The following MKLN1 variants were observed in gnomAD, a reference collection of about 807,000 sequenced individuals.
MKLN1 encodes the protein muskelin 1.
In MKLN1, 18 loss-of-function variants were observed where a neutral mutation model predicts 99.0. The ratio of observed to expected loss-of-function variants is 0.18; its 90% CI spans 0.13 to 0.27. The LOEUF is 0.27. Ranked by LOEUF, MKLN1 falls within the 10% of genes least tolerant of loss-of-function variation. The pLI is 1.00. For synonymous variants in MKLN1, 288 were observed against 293.2 expected (o/e 0.98, Z 0.18); for missense variants, 621 against 875.9 (o/e 0.71, Z 3.67).
At chr7:131,286,077 A>G (rs1283921483) in intron 3 of MKLN1, among the ~76,000 whole-genome samples, 1 of 151,884 alleles carries the variant, frequency 6.6e-6, no homozygotes, top group Admixed American at 6.6e-5. Flanking sequence ...CCACCTCCCA[A>G]GGAGCTGGGA....
Position 131,216,547 on chromosome 7 carries a change from G to A in MKLN1, c.-179+13573G>A, listed in dbSNP as rs564952083. ...CTTAGAGCTGAGCGAGTGCCTCAAAGGTTCAGCAATGCTACCTTGACCAGA... is the reference window on the plus strand; with the variant it reads ...CTTAGAGCTGAGCGAGTGCCTCAAAAGTTCAGCAATGCTACCTTGACCAGA... On this transcript the variant is annotated intron_variant, in intron 3 of 7. Transcript: ENST00000416992. Among the ~76,000 whole-genome samples the A allele has an allele frequency of 2.0e-5, 3 of 152,202 alleles. No homozygotes were observed. In the East Asian group the frequency reaches 5.8e-4, roughly 29 times the overall value.
At chr7:131,302,383 G>A (rs1231106037) in intron 3 of MKLN1, among the ~76,000 whole-genome samples, 1 of 152,170 alleles carries the variant, frequency 6.6e-6, no homozygotes, top group African/African-American at 2.4e-5. Flanking sequence ...CCAGGCTGAC[G>A]ATCTGACTTG....
At chr7:131,447,916 C>T (rs2116531187) in intron 12 of MKLN1, among the ~76,000 whole-genome samples, 1 of 152,224 alleles carries the variant, frequency 6.6e-6, no homozygotes, top group South Asian at 2.1e-4. Flanking sequence ...CCATGCTAAA[C>T]TACTGCCCAA....
At chr7:131,159,436 G>A (rs953863206) in intron 2 of MKLN1, among the ~76,000 whole-genome samples, 2 of 152,078 alleles carry the variant, frequency 1.3e-5, no homozygotes, top group African/African-American at 2.4e-5. Flanking sequence ...TGGAACTGGA[G>A]GTCATTTTGT....
intron 2 of MKLN1, among the ~76,000 whole-genome samples, chr7:131,153,663 G>GTTT (rs144256871): frequency 0.043 from 5,812 of 135,008 alleles, 401 homozygotes; most frequent in African/African-American, 0.052. Context: ...GGTTTTTTTT[G>GTTT]GTTTTTTTTT....
At chr7:131,322,195 G>A (rs957664266) in intron 3 of MKLN1, among the ~76,000 whole-genome samples, 5 of 152,118 alleles carry the variant, frequency 3.3e-5, no homozygotes, top group Non-Finnish European at 7.4e-5. Context: ...AAATTTTGCA[G>A]GGAATCCAAA....
chr7:131,470,805 A>G (rs764077778), intron 15 of MKLN1, 37 bp from the exon 16 acceptor site: 10 of 1,318,294 alleles, frequency 7.6e-6, no homozygotes, highest in Non-Finnish European at 1.1e-5. Context: ...ATATTTTCTC[A>G]TAACTCCAGA....
chr7:131,418,765 C>G (rs1795100929), intron 8 of MKLN1, among the ~76,000 whole-genome samples: 1 of 152,120 alleles, frequency 6.6e-6, no homozygotes, highest in Admixed American at 6.5e-5. Context: ...TTGGTAGATA[C>G]TGGTGAGACA....
intron 4 of MKLN1, among the ~76,000 whole-genome samples, chr7:131,392,907 ATTT>A (rs761089064): frequency 1.4e-5 from 2 of 142,356 alleles, no homozygotes; most frequent in Non-Finnish European, 1.5e-5. Context: ...GCCTGGCCTA[ATTT>A]TTTTTTTTTT....
intron 1 of MKLN1, among the ~76,000 whole-genome samples, chr7:131,352,619 T>G (rs573686969): frequency 5.3e-5 from 8 of 152,266 alleles, no homozygotes; most frequent in African/African-American, 1.9e-4. Flanking sequence ...GTTTAAAACA[T>G]AAATTTAAAG....
chr7:131,293,279 T>C lies in MKLN1; in HGVS notation c.-178-82145T>C, dbSNP rs562493431. 1.7e-4 allele frequency among the ~76,000 whole-genome samples: 26 copies of C among 152,284 alleles called. 1 individual carries two copies. In the South Asian group the frequency reaches 5.2e-3, roughly 30 times the overall value. ...TTACCAAATGACTTGGATGAATGAA[T>C]CAGTCCAGCCAAAATCAGCTGAGCC... On this transcript the variant is annotated intron_variant, in intron 3 of 7. Transcript: ENST00000416992.
intron 1 of MKLN1, among the ~76,000 whole-genome samples, chr7:131,135,175 T>G (rs548699844): frequency 6.6e-6 from 1 of 152,330 alleles, no homozygotes; most frequent in East Asian, 1.9e-4. Flanking sequence ...CAGGCTGGAG[T>G]GCAGCAGAGC....
At chr7:131,153,646 GA>G (rs1406450719) in intron 2 of MKLN1, among the ~76,000 whole-genome samples, 1 of 144,874 alleles carries the variant, frequency 6.9e-6, no homozygotes, top group African/African-American at 2.5e-5. Flanking sequence ...GCTACAAAAT[GA>G]AAGTAGGTTT....
chr7:131,303,701 G>A (rs765519547), intron 3 of MKLN1, among the ~76,000 whole-genome samples: 7 of 152,212 alleles, frequency 4.6e-5, no homozygotes, highest in Non-Finnish European at 8.8e-5. Flanking sequence ...AATTTGGTGA[G>A]TCTCAACCTC....
chr7:131,379,528 A>T (rs967660893), intron 2 of MKLN1, among the ~76,000 whole-genome samples: 3 of 152,322 alleles, frequency 2.0e-5, no homozygotes, highest in Non-Finnish European at 4.4e-5. Flanking sequence ...AAGATTTTCC[A>T]CTAAGCACAG....
chr7:131,124,584 C>G (rs1795425118), intron 1 of MKLN1, among the ~76,000 whole-genome samples: 1 of 152,164 alleles, frequency 6.6e-6, no homozygotes, highest in Admixed American at 6.5e-5. Flanking sequence ...GTTAGGTCAG[C>G]CATGGGGCCT....
At chr7:131,450,190 A>G (rs1215811935) in intron 12 of MKLN1, among the ~76,000 whole-genome samples, 1 of 152,074 alleles carries the variant, frequency 6.6e-6, no homozygotes, top group Non-Finnish European at 1.5e-5. Flanking sequence ...CATTCTCCAC[A>G]CTGCAAGCAG....
chr7:131,394,207 T>C (rs1254134653), intron 4 of MKLN1, among the ~76,000 whole-genome samples: 1 of 152,102 alleles, frequency 6.6e-6, no homozygotes, highest in East Asian at 1.9e-4. Context: ...GAAAGGCATA[T>C]TAAATATCCC....
rs1322453296 is a variant in MKLN1 at position 131,114,908 on chromosome 7, C to T, written c.-419+4701C>T. ...CTGAAATTGCACAACTGCACTCCAG[C>T]CTGGGCAACAGAGCAAGACTCTGTC... is the stretch of plus-strand genomic sequence containing the variant. On this transcript the variant is annotated intron_variant, in intron 1 of 7. Transcript: ENST00000416992. 2.0e-5 allele frequency among the ~76,000 whole-genome samples: 3 copies of T among 151,602 alleles called. No individual in the cohort carries two copies. The East Asian group carries it at 5.8e-4, about 29-fold the overall frequency.
Sources: gnomAD v4.1 joint callset for allele counts (sites outside exome capture counted in the v4.1 genomes callset) on GRCh38, gnomAD v4.1.1 for gene constraint, MANE v1.5 for transcripts, NCBI Gene and HGNC (gene_info 2026-07-23, HGNC 2026-07-21) for gene names.